The following SANBR variants were observed in gnomAD, a reference collection of about 807,000 sequenced individuals.
The protein encoded by SANBR is SANT and BTB domain regulator of class switch recombination.
A neutral mutation model predicts 101.8 loss-of-function variants in SANBR; 77 were observed. The observed-to-expected ratio is 0.76, with a 90% CI of 0.63 to 0.91. The LOEUF is 0.91. Among genes scored for constraint, SANBR ranks in the 40% least tolerant of loss-of-function variants. The pLI, the probability that SANBR is intolerant of heterozygous loss-of-function variation, is 0.00. For synonymous variants in SANBR, 279 were observed against 274.7 expected, an observed-to-expected ratio of 1.02 and a Z score of -0.15; for missense variants, 875 against 853.0, an observed-to-expected ratio of 1.03 and a Z score of -0.32.
Position 61,072,821 on chromosome 2 carries a change from CTTTTTTTTTTTTTTT to C in SANBR, c.338-622_338-608del, listed in dbSNP as rs70959893. On this transcript the variant is annotated intron_variant, in intron 4 of 21. Transcript: ENST00000402291. ...AGACTCTTGCTTGTCTCTCATGTTA[CTTTTTTTTTTTTTTT>C]TTTTTTTTTTTTTTATACAGGTACT... Among the ~76,000 whole-genome samples the C allele has an allele frequency of 6.3e-5, 2 of 31,662 alleles. 1 individual carries two copies. The highest frequency in any genetic ancestry group is 9.8e-4 in the Admixed American group (2 of 2,048). The allele number at this position is 31,662 out of a possible 152,430, so 20.8% of individuals were successfully genotyped here. A position where few individuals can be genotyped will look rare whatever the true frequency, so the allele number is the denominator to read the frequency against.
At chr2:61,097,388 G>A (rs1196557004) in intron 11 of SANBR, among the ~76,000 whole-genome samples, 3 of 151,918 alleles carry the variant, frequency 2.0e-5, no homozygotes, top group African/African-American at 7.3e-5. Context: ...GTTAGGTTGT[G>A]TTCAGGATTT....
intron 2 of SANBR, among the ~76,000 whole-genome samples, chr2:61,069,866 C>T (rs180926546): frequency 1.1e-4 from 16 of 152,304 alleles, no homozygotes; most frequent in African/African-American, 3.4e-4. Context: ...ATATATTAGA[C>T]TCTGTCCCTA....
chr2:61,129,517 A>G (rs111379602), intron 20 of SANBR, among the ~76,000 whole-genome samples: 4,457 of 152,190 alleles, frequency 0.029, 105 homozygotes, highest in Non-Finnish European at 0.045. Flanking sequence ...CACACAAAGC[A>G]TTAGTAAAGA....
intron 16 of SANBR, among the ~76,000 whole-genome samples, chr2:61,110,066 A>T (rs1381304391): frequency 6.6e-6 from 1 of 152,184 alleles, no homozygotes; most frequent in African/African-American, 2.4e-5. Context: ...AGACTCAAGT[A>T]TTTATAGGCA....
downstream of SANBR, among the ~76,000 whole-genome samples, chr2:61,125,159 T>G (rs1684479058): frequency 1.3e-5 from 2 of 152,220 alleles, no homozygotes; most frequent in South Asian, 4.1e-4. Context: ...TATAAGATTT[T>G]GGGGCAATTA....
intron 21 of SANBR, among the ~76,000 whole-genome samples, chr2:61,134,462 A>G (rs1264647521): frequency 6.6e-6 from 1 of 152,144 alleles, no homozygotes; most frequent in Non-Finnish European, 1.5e-5. Context: ...CTCCTCTTTC[A>G]TGAAGCTGCT....
At chr2:61,102,070 A>T (rs1683312490) in intron 12 of SANBR, among the ~76,000 whole-genome samples, 2 of 151,384 alleles carry the variant, frequency 1.3e-5, no homozygotes, top group South Asian at 4.2e-4. Context: ...TCTTTTGTCG[A>T]TATATATGTT....
At position 61,105,670 on chromosome 2, in the gene SANBR, C is replaced by T. The variant is rs1683523289; in HGVS notation, c.1512-893C>T. Among the ~76,000 whole-genome samples the T allele has an allele frequency of 1.1e-4, 4 of 35,900 alleles. No individual in the cohort carries two copies. In the South Asian group the frequency reaches 2.0e-3, roughly 18 times the overall value. The allele number at this position is 35,900 out of a possible 152,430, so 23.6% of individuals were successfully genotyped here. A position where few individuals can be genotyped will look rare whatever the true frequency, so the allele number is the denominator to read the frequency against. On this transcript the variant is annotated intron_variant, in intron 13 of 21. Transcript: ENST00000402291. ...CGTGAGCCACTGCGCCTGGCCGCAC[C>T]CCCCTCCTTTCTTTTTTTTTGAGAT...
intron 12 of SANBR, among the ~76,000 whole-genome samples, chr2:61,099,848 T>C (rs1385856110): frequency 5.3e-5 from 8 of 152,074 alleles, no homozygotes; most frequent in Non-Finnish European, 1.0e-4. Flanking sequence ...GAGTGGACTG[T>C]GGTGCCTAAT....
At chr2:61,105,666 G>A (rs531501435) in intron 13 of SANBR, among the ~76,000 whole-genome samples, 8 of 100,328 alleles carry the variant, frequency 8.0e-5, no homozygotes, top group Non-Finnish European at 1.8e-4. Flanking sequence ...GCGCCTGGCC[G>A]CACCCCCCTC....
Position 61,106,709 on chromosome 2 carries a change from T to A in SANBR, c.1611+47T>A, listed in dbSNP as rs374740734. On this transcript the variant is annotated intron_variant, in intron 14 of 21. Coordinates refer to ENST00000402291, the MANE Select transcript of SANBR (RefSeq NM_001129993.3). Reference sequence around the variant, plus strand: ...ATTCTTTATTTACATAAATAATTAATGACATTTAATCTTTGACAGGAACCT... The same window carrying A: ...ATTCTTTATTTACATAAATAATTAAAGACATTTAATCTTTGACAGGAACCT... 17 of 1,130,472 alleles carry A rather than the reference T, an allele frequency of 1.5e-5. No individual in the cohort carries two copies. In the African/African-American group the frequency reaches 1.7e-4, roughly 12 times the overall value. The allele number at this position is 1,130,472 out of a possible 1,614,324, so 70.0% of individuals were successfully genotyped here. A position where few individuals can be genotyped will look rare whatever the true frequency, so the allele number is the denominator to read the frequency against.
At chr2:61,076,871 C>G in intron 5 of SANBR, 49 bp from the exon 6 acceptor site, 1 of 1,391,172 alleles carries the variant, frequency 7.2e-7, no homozygotes, top group South Asian at 1.2e-5. Context: ...TTCTTGACTC[C>G]TTTTCTAAAA....
intron 11 of SANBR, among the ~76,000 whole-genome samples, chr2:61,093,060 G>A (rs914886913): frequency 6.6e-6 from 1 of 151,782 alleles, no homozygotes; most frequent in Non-Finnish European, 1.5e-5. Flanking sequence ...TTGAACCCGG[G>A]AGGCAGAGAT....
intron 7 of SANBR, among the ~76,000 whole-genome samples, chr2:61,082,356 A>G (rs979497167): frequency 2.6e-5 from 4 of 152,198 alleles, no homozygotes; most frequent in Non-Finnish European, 4.4e-5. Context: ...AGAATACATG[A>G]TTATCCTCTC....
chr2:61,067,793 G>A (rs1194891876), intron 1 of SANBR, among the ~76,000 whole-genome samples: 1 of 152,184 alleles, frequency 6.6e-6, no homozygotes, highest in African/African-American at 2.4e-5. Flanking sequence ...CCCAAATTGT[G>A]TGGTATGAAA....
chr2:61,102,365 CAAAAAAAAAAAA>C (rs35795015), intron 12 of SANBR, among the ~76,000 whole-genome samples: 1 of 59,444 alleles, frequency 1.7e-5, no homozygotes, highest in South Asian at 7.4e-4. Flanking sequence ...GACTGTGTCT[CAAAAAAAAAAAA>C]AAAAAAAAAA....
Position 61,110,386 on chromosome 2 carries a change from A to G in SANBR, c.1744+1090A>G, listed in dbSNP as rs572765482. 5.9e-5 allele frequency among the ~76,000 whole-genome samples: 9 copies of G among 151,436 alleles called. No homozygotes were observed. In the East Asian group the frequency reaches 1.7e-3, roughly 29 times the overall value. Reference sequence around the variant, plus strand: ...TGGTGAAACCCTGTTGCTTCTAAAAATACAAAAATTAGGCCGGGCACGATG... The same window carrying G: ...TGGTGAAACCCTGTTGCTTCTAAAAGTACAAAAATTAGGCCGGGCACGATG... On this transcript the variant is annotated intron_variant, in intron 16 of 21. Transcript: ENST00000402291.
intron 8 of SANBR, among the ~76,000 whole-genome samples, chr2:61,085,904 T>C (rs1216073641): frequency 6.6e-6 from 1 of 152,186 alleles, no homozygotes; most frequent in Non-Finnish European, 1.5e-5. Context: ...ATTGTAGTGT[T>C]GTCTATTAAG....
intron 10 of SANBR, chr2:61,089,062 C>T (rs1348548622): frequency 2.1e-6 from 2 of 975,132 alleles, no homozygotes; most frequent in Non-Finnish European, 2.4e-6. Flanking sequence ...TTAAAATGCT[C>T]TCTTTTCACT....
Sources: allele counts gnomAD v4.1 joint callset (sites outside exome capture counted in the v4.1 genomes callset), GRCh38; gene constraint gnomAD v4.1.1; transcripts MANE v1.5; gene names NCBI Gene and HGNC (gene_info 2026-07-23, HGNC 2026-07-21).